Variants in MRPL45 observed in about 807,000 individuals in gnomAD.
MRPL45 encodes the protein mitochondrial ribosomal protein L45, also known as large ribosomal subunit protein mL45.
MRPL45 carries 20 observed loss-of-function variants against 38.1 expected under a neutral mutation model. The observed-to-expected ratio is 0.53, with a 90% CI of 0.37 to 0.76. The LOEUF (loss-of-function observed/expected upper bound fraction) is 0.76, where lower values mean the gene tolerates loss of function less well. MRPL45 is among the 30% of genes least tolerant of loss of function. The pLI, the probability that MRPL45 is intolerant of heterozygous loss-of-function variation, is 0.00. For synonymous variants in MRPL45, 105 were observed against 128.8 expected (o/e 0.82, Z 1.25); for missense variants, 337 against 395.6 (o/e 0.85, Z 1.26).
intron 3 of MRPL45, among the ~76,000 whole-genome samples, chr17:38,302,591 G>C (rs556139221): frequency 5.5e-5 from 8 of 146,536 alleles, no homozygotes; most frequent in Non-Finnish European, 8.9e-5. Context: ...AACAGTACAA[G>C]CAAGGCTTTG....
intron 4 of MRPL45, among the ~76,000 whole-genome samples, chr17:38,318,391 G>T (rs1029589687): frequency 4.6e-5 from 7 of 151,454 alleles, no homozygotes; most frequent in Non-Finnish European, 7.4e-5. Context: ...AGGATATATG[G>T]TAATTTTAGA....
rs150500862 is a variant in MRPL45, at chr17:38,320,590, A to G, written c.511-28A>G. On this transcript the variant is annotated intron_variant, in intron 5 of 7. Coordinates refer to ENST00000613675, the MANE Select transcript of MRPL45 (RefSeq NM_032351.6). The stretch of plus-strand genomic sequence containing the variant: ...CTTCCTTAAAGGGAGGGAAAAATGC[A>G]GTTGAACTTGTTCTCCTTTGCCCTT... The G allele has an allele frequency of 6.0e-5, 96 of 1,609,150 alleles. No individual in the cohort carries two copies. The African/African-American group carries it at 1.1e-3, about 19-fold the overall frequency.
At chr17:38,310,635 T>C (rs535286399) in intron 4 of MRPL45, among the ~76,000 whole-genome samples, 1 of 152,078 alleles carries the variant, frequency 6.6e-6, no homozygotes, top group Non-Finnish European at 1.5e-5. Flanking sequence ...GGCCTTGTTT[T>C]TGGTTTTTGA....
intron 7 of MRPL45, 91 bp downstream of exon 7, chr17:38,322,390 G>A: frequency 9.5e-7 from 1 of 1,051,668 alleles, no homozygotes; most frequent in South Asian, 1.3e-5. Context: ...GCGAGAGGGG[G>A]TGATGCACCA....
At chr17:38,311,061 A>G (rs1338209688) in intron 4 of MRPL45, among the ~76,000 whole-genome samples, 2 of 152,204 alleles carry the variant, frequency 1.3e-5, no homozygotes, top group Non-Finnish European at 2.9e-5. Flanking sequence ...TTTGAAGTAT[A>G]TAATTCAGTG....
chr17:38,310,937 G>C (rs1028430964), intron 4 of MRPL45, among the ~76,000 whole-genome samples: 5 of 151,904 alleles, frequency 3.3e-5, no homozygotes, highest in Non-Finnish European at 5.9e-5. Flanking sequence ...TAAACAAATA[G>C]ATATTTTAGA....
chr17:38,311,110 C>T (rs555025119), intron 4 of MRPL45, among the ~76,000 whole-genome samples: 3 of 152,216 alleles, frequency 2.0e-5, no homozygotes, highest in African/African-American at 4.8e-5. Flanking sequence ...ATTCTTACCA[C>T]TATCCATTTC....
At chr17:38,300,873 G>A (rs1465149641) in intron 3 of MRPL45, among the ~76,000 whole-genome samples, 1 of 152,200 alleles carries the variant, frequency 6.6e-6, no homozygotes, top group Non-Finnish European at 1.5e-5. Context: ...TTGAACCCGG[G>A]AGGCGGAGGT....
At position 38,322,517 on chromosome 17, in the gene MRPL45, G is replaced by A. The variant is rs747476271; in HGVS notation, c.843G>A (p.Met281Ile). Residue 281 changes from methionine to isoleucine, a missense_variant, in exon 8 of 8, where the codon ATG (methionine) becomes ATA (isoleucine). Met to Ile is a conservative substitution (Grantham distance 10). Around this residue, in one of 3 missense-constraint regions of MRPL45, gnomAD observed 251 missense variants for 269.1 expected, o/e 0.93. Coordinates refer to ENST00000613675, the MANE Select transcript of MRPL45 (RefSeq NM_032351.6). ...PPKQPILKTV[M>I]IPGPQLKPEE... ...GCGTCCTACTCTTTCAGACGGTGAT[G>A]ATCCCTGGCCCTCAGCTGAAACCAG... is the stretch of plus-strand genomic sequence containing the variant. The A allele has an allele frequency of 1.8e-5, 29 of 1,613,450 alleles. No homozygotes were observed. In the South Asian group the frequency reaches 3.2e-4, roughly 18 times the overall value.
chr17:38,305,760 A>C (rs1487110832), intron 3 of MRPL45, among the ~76,000 whole-genome samples: 1 of 151,250 alleles, frequency 6.6e-6, no homozygotes, highest in Non-Finnish European at 1.5e-5. Flanking sequence ...CTTGTGCCTC[A>C]GCCTCCGGAG....
intron 4 of MRPL45, among the ~76,000 whole-genome samples, chr17:38,311,139 G>A (rs2037107812): frequency 6.6e-6 from 1 of 152,004 alleles, no homozygotes; most frequent in Admixed American, 6.6e-5. Context: ...GTTCATCTCA[G>A]ACAGGAATTT....
chr17:38,317,730 C>G (rs8077729), intron 4 of MRPL45, among the ~76,000 whole-genome samples: 107,640 of 151,772 alleles, frequency 0.71, 42,744 homozygotes, highest in East Asian at 0.91. Flanking sequence ...TGCTACTACT[C>G]TCGGCTAATT....
At chr17:38,322,061 A>G in intron 6 of MRPL45, 65 bp from the exon 7 acceptor site, 1 of 1,535,110 alleles carries the variant, frequency 6.5e-7, no homozygotes, top group Non-Finnish European at 8.8e-7. Flanking sequence ...TATGGCAATA[A>G]AACAAACAAC....
At chr17:38,317,442 G>A (rs1300253937) in intron 4 of MRPL45, among the ~76,000 whole-genome samples, 2 of 152,110 alleles carry the variant, frequency 1.3e-5, no homozygotes, top group African/African-American at 4.8e-5. Context: ...TAGTAAACTG[G>A]GGAAAAGTCG....
intron 4 of MRPL45, among the ~76,000 whole-genome samples, chr17:38,316,737 C>CAAAAAAA (rs61383463): frequency 2.3e-4 from 14 of 61,216 alleles, no homozygotes; most frequent in Non-Finnish European, 2.8e-4. Flanking sequence ...TGGTGCAATC[C>CAAAAAAA]AAAAAAAAAA....
At chr17:38,316,625 A>G (rs1567717590) in intron 4 of MRPL45, among the ~76,000 whole-genome samples, 1 of 150,920 alleles carries the variant, frequency 6.6e-6, no homozygotes, top group Non-Finnish European at 1.5e-5. Context: ...CCTGGCCAAC[A>G]TGGTGAAACC....
At chr17:38,314,182 G>A (rs1286923466) in intron 4 of MRPL45, among the ~76,000 whole-genome samples, 1 of 151,848 alleles carries the variant, frequency 6.6e-6, no homozygotes, top group Non-Finnish European at 1.5e-5. Flanking sequence ...TCGGCTCACC[G>A]CAACCTCTGC....
At chr17:38,309,106 C>G (rs891355773) in intron 4 of MRPL45, among the ~76,000 whole-genome samples, 4 of 150,964 alleles carry the variant, frequency 2.6e-5, no homozygotes, top group Non-Finnish European at 4.4e-5. Context: ...AGGGTTTCAC[C>G]ATATTGGCCA....
chr17:38,322,448 A>C (rs1173581137), intron 7 of MRPL45, 61 bp from the exon 8 acceptor site: 24 of 1,394,996 alleles, frequency 1.7e-5, no homozygotes, highest in Non-Finnish European at 2.2e-5. Flanking sequence ...GCAAGGGATG[A>C]AGCTCTTCTG....
Sources: gnomAD v4.1 joint callset for allele counts (sites outside exome capture counted in the v4.1 genomes callset) on GRCh38, gnomAD v4.1.1 for gene constraint, gnomAD v4.1.1 regional missense constraint, MANE v1.5 for transcripts, NCBI Gene and HGNC (gene_info 2026-07-23, HGNC 2026-07-21) for gene names.